CHLSN: variants seen among roughly 807,000 people sequenced by gnomAD.
CHLSN encodes the protein cholesin.
the CHLSN span, among the ~76,000 whole-genome samples, chr7:993,272 T>TGGCACAC: frequency 6.6e-6 from 1 of 152,094 alleles, no homozygotes; most frequent in East Asian, 1.9e-4. Flanking sequence ...GGAGGGCGCA[T>TGGCACAC]GGCACACGGC....
At chr7:1,122,850 C>G in the CHLSN span, among the ~76,000 whole-genome samples, 128 of 152,324 alleles carry the variant, frequency 8.4e-4, no homozygotes, top group African/African-American at 2.8e-3. Flanking sequence ...GGCGCCAACC[C>G]CAGCGGCAGA....
At chr7:1,047,841 CAGT>C in the CHLSN span, among the ~76,000 whole-genome samples, 1 of 152,234 alleles carries the variant, frequency 6.6e-6, no homozygotes, top group African/African-American at 2.4e-5. Flanking sequence ...CCTTTCTACT[CAGT>C]GGGGAAATTG....
At chr7:1,054,135 C>T in the CHLSN span, among the ~76,000 whole-genome samples, 8 of 152,340 alleles carry the variant, frequency 5.3e-5, no homozygotes, top group East Asian at 1.5e-3. Context: ...CACGGAGCAG[C>T]CCGCCCCAGC....
the CHLSN span, among the ~76,000 whole-genome samples, chr7:1,104,227 A>AG: frequency 6.6e-6 from 1 of 152,254 alleles, no homozygotes; most frequent in Non-Finnish European, 1.5e-5. Context: ...CACCGAGGCA[A>AG]GGGCCTCAAC....
At chr7:1,019,944 G>A in the CHLSN span, among the ~76,000 whole-genome samples, 6 of 152,250 alleles carry the variant, frequency 3.9e-5, no homozygotes, top group Non-Finnish European at 8.8e-5. Context: ...TTTCCCGAGG[G>A]AGGCCACGGG....
At chr7:1,112,414 G>C in the CHLSN span, among the ~76,000 whole-genome samples, 38 of 152,320 alleles carry the variant, frequency 2.5e-4, no homozygotes, top group Admixed American at 1.2e-3. Context: ...TCTGAGAGAC[G>C]CCTGGCAAGG....
At chr7:993,955 G>C in the CHLSN span, among the ~76,000 whole-genome samples, 3 of 151,752 alleles carry the variant, frequency 2.0e-5, no homozygotes, top group African/African-American at 7.3e-5. Context: ...GGCTGGGTGG[G>C]CTGGGGCAGG....
the CHLSN span, among the ~76,000 whole-genome samples, chr7:1,016,633 GCACGCCAGCGCACAGCAGCA>G: frequency 1.9e-5 from 2 of 103,726 alleles, no homozygotes; most frequent in African/African-American, 8.1e-5. Context: ...GCACAGTAGC[GCACGCCAGCGCACAGCAGCA>G]CACAGCAGCG....
At chr7:1,088,810 T>C in the CHLSN span, among the ~76,000 whole-genome samples, 2 of 152,070 alleles carry the variant, frequency 1.3e-5, no homozygotes, top group East Asian at 3.9e-4. This position sits in a 1 kb window ranked among gnomAD's most constrained non-coding sequence, Gnocchi z 4.5. Context: ...TATAACTCCA[T>C]GGCCACCTCC....
chr7:1,065,612 C>G, the CHLSN span, among the ~76,000 whole-genome samples: 1 of 152,210 alleles, frequency 6.6e-6, no homozygotes, highest in African/African-American at 2.4e-5. Flanking sequence ...AGCAGGGAAC[C>G]CACCTCACCA....
chr7:994,250 C>T, the CHLSN span, among the ~76,000 whole-genome samples: 5 of 152,184 alleles, frequency 3.3e-5, no homozygotes, highest in African/African-American at 1.2e-4. Context: ...CTCTGCCTCC[C>T]GTGTTCAAGC....
the CHLSN span, chr7:985,112 C>G: frequency 6.2e-7 from 1 of 1,609,738 alleles, no homozygotes; most frequent in East Asian, 2.2e-5. Flanking sequence ...GAGCAGGGGG[C>G]CGGGGACGCC....
At chr7:1,123,379 A>C in the CHLSN span, among the ~76,000 whole-genome samples, 1 of 152,222 alleles carries the variant, frequency 6.6e-6, no homozygotes, top group African/African-American at 2.4e-5. The surrounding 1 kb of genome is among the most constrained non-coding windows in gnomAD (Gnocchi z 4.4). Flanking sequence ...CCCCAGACGG[A>C]CGTTGCTGGG....
At chr7:1,137,115 C>T in the CHLSN span, among the ~76,000 whole-genome samples, 2 of 152,160 alleles carry the variant, frequency 1.3e-5, no homozygotes, top group Non-Finnish European at 2.9e-5. Context: ...ACACGACTGC[C>T]CTGGCCCCTC....
the CHLSN span, among the ~76,000 whole-genome samples, chr7:1,125,268 C>A: frequency 6.6e-6 from 1 of 152,260 alleles, no homozygotes; most frequent in African/African-American, 2.4e-5. Context: ...GTGCCCACCT[C>A]CTGCTGGAAG....
At chr7:1,092,838 G>T in the CHLSN span, 1 of 1,612,686 alleles carries the variant, frequency 6.2e-7, no homozygotes, top group Non-Finnish European at 8.5e-7. Flanking sequence ...CGGATGTGAG[G>T]TTCAGCAGTG....
the CHLSN span, chr7:1,045,371 T>G: frequency 1.3e-5 from 2 of 152,250 alleles, no homozygotes; most frequent in Non-Finnish European, 2.9e-5. Context: ...AAGATGTACT[T>G]GAGTCCTCCA....
At chr7:1,092,189 A>G in the CHLSN span, 1 of 1,613,160 alleles carries the variant, frequency 6.2e-7, no homozygotes, top group Non-Finnish European at 8.5e-7. Flanking sequence ...ATGAGCTTCG[A>G]CCGCTACATC....
At chr7:1,069,330 C>CA in the CHLSN span, among the ~76,000 whole-genome samples, 2 of 151,802 alleles carry the variant, frequency 1.3e-5, no homozygotes, top group African/African-American at 4.8e-5. Context: ...AACTCCGTCT[C>CA]AAAAAACAAT....
Sources: gnomAD v4.1 joint callset for allele counts (sites outside exome capture counted in the v4.1 genomes callset) on GRCh38, gnomAD v4.1.1 for gene constraint, Gnocchi (gnomAD v3.1) non-coding constraint, MANE v1.5 for transcripts, NCBI Gene and HGNC (gene_info 2026-07-23, HGNC 2026-07-21) for gene names.